Variants in PVT1 observed in about 807,000 individuals in gnomAD.
The protein encoded by PVT1 is Pvt1 oncogene.
intron 3 of PVT1, among the ~76,000 whole-genome samples, chr8:127,977,232 T>C (rs1330447919): frequency 3.3e-5 from 5 of 152,078 alleles, no homozygotes; most frequent in Admixed American, 3.3e-4. Flanking sequence ...GGATGTGCAG[T>C]AGGTCTGGTG....
intron 3 of PVT1, among the ~76,000 whole-genome samples, chr8:127,894,043 C>A (rs1216012201): frequency 6.6e-6 from 1 of 152,212 alleles, no homozygotes; most frequent in Non-Finnish European, 1.5e-5. Context: ...CTGCTTTCAG[C>A]CACTTAGAAG....
intron 3 of PVT1, among the ~76,000 whole-genome samples, chr8:127,952,804 G>A (rs577281746): frequency 1.3e-5 from 2 of 151,302 alleles, no homozygotes; most frequent in East Asian, 3.9e-4. Flanking sequence ...TCGCTCTGTG[G>A]CCCAGGCTGG....
Position 127,998,535 on chromosome 8 carries a change from TTCTC to T in PVT1, n.912+9264_912+9267del, listed in dbSNP as rs34462486. On this transcript the variant is annotated intron_variant and non_coding_transcript_variant, in intron 4 of 10. Transcript: ENST00000651587. ...TTCTTCCTTTTCTTTCCTTCTTTCT[TTCTC>T]TCTCTCTCTCTCTCTCTCTTCCTTC... 2.7e-3 allele frequency among the ~76,000 whole-genome samples: 381 copies of T among 142,760 alleles called. 1 individual carries two copies. The highest frequency in any genetic ancestry group is 0.01 in the Middle Eastern group (3 of 286). 93.7% of individuals were successfully genotyped at this position (142,760 alleles called of 152,430 possible).
chr8:127,895,082 T>G (rs1303649185), intron 3 of PVT1, among the ~76,000 whole-genome samples: 14 of 152,246 alleles, frequency 9.2e-5, no homozygotes, highest in Admixed American at 7.9e-4. Flanking sequence ...AGTTAATTAT[T>G]CTCTGGGATT....
chr8:128,008,803 T>G (rs938776949), intron 4 of PVT1: 5 of 426,326 alleles, frequency 1.2e-5, no homozygotes, highest in Non-Finnish European at 2.1e-5. Context: ...GCTGATGAGA[T>G]TGAAGGGGCT....
At chr8:128,073,371 C>T (rs1405819549) in intron 5 of PVT1, among the ~76,000 whole-genome samples, 2 of 152,108 alleles carry the variant, frequency 1.3e-5, no homozygotes, top group Non-Finnish European at 2.9e-5. Flanking sequence ...CCCTCCATCC[C>T]TTCATTCCTC....
At chr8:128,088,853 A>G (rs1018180327) in intron 5 of PVT1, among the ~76,000 whole-genome samples, 3 of 152,150 alleles carry the variant, frequency 2.0e-5, no homozygotes, top group African/African-American at 7.2e-5. Context: ...TGTGTAGACC[A>G]GCGGTTTCGG....
intron 4 of PVT1, among the ~76,000 whole-genome samples, chr8:128,067,211 C>T (rs951124724): frequency 2.6e-5 from 4 of 152,214 alleles, no homozygotes; most frequent in African/African-American, 9.7e-5. Flanking sequence ...CGGTTATACA[C>T]TCAAGGAATG....
At chr8:127,833,692 G>A (rs1366699103) in intron 2 of PVT1, among the ~76,000 whole-genome samples, 6 of 152,084 alleles carry the variant, frequency 3.9e-5, no homozygotes, top group Non-Finnish European at 5.9e-5. Context: ...GGACTCAAGC[G>A]ATCTACCTGC....
intron 4 of PVT1, among the ~76,000 whole-genome samples, chr8:127,991,236 G>A (rs191344008): frequency 5.7e-4 from 85 of 148,860 alleles, no homozygotes; most frequent in African/African-American, 1.9e-3. Context: ...TCCACCTCCC[G>A]GGTTCACGCC....
intron 3 of PVT1, among the ~76,000 whole-genome samples, chr8:127,904,923 A>G (rs1293248096): frequency 6.6e-6 from 1 of 152,222 alleles, no homozygotes; most frequent in Non-Finnish European, 1.5e-5. Context: ...GTGCCTGCAC[A>G]GGCTGTATGT....
chr8:128,003,529 A>G (rs1817210685), intron 4 of PVT1, among the ~76,000 whole-genome samples: 1 of 152,004 alleles, frequency 6.6e-6, no homozygotes, highest in South Asian at 2.1e-4. Context: ...TATTTTTTGT[A>G]GAGACAGGAT....
At chr8:128,024,800 T>TG (rs1440110474) in intron 4 of PVT1, among the ~76,000 whole-genome samples, 3 of 152,222 alleles carry the variant, frequency 2.0e-5, no homozygotes, top group Non-Finnish European at 4.4e-5. Flanking sequence ...ATGAGGAGGA[T>TG]GCCTTTTGGG....
chr8:127,838,386 A>G (rs188700579), intron 2 of PVT1, among the ~76,000 whole-genome samples: 1 of 152,110 alleles, frequency 6.6e-6, no homozygotes, highest in Non-Finnish European at 1.5e-5. Flanking sequence ...ATTTGGAGGA[A>G]TATCAAGTAA....
At chr8:127,931,248 A>T (rs1186057135) in intron 3 of PVT1, among the ~76,000 whole-genome samples, 1 of 151,912 alleles carries the variant, frequency 6.6e-6, no homozygotes, top group Admixed American at 6.5e-5. Flanking sequence ...CTCCTCTGTT[A>T]TTTGCTCCCA....
intron 4 of PVT1, among the ~76,000 whole-genome samples, chr8:128,022,700 CTTTACGTAAGTAGCATAA>C (rs1817452419): frequency 1.3e-5 from 2 of 152,262 alleles, no homozygotes; most frequent in South Asian, 2.1e-4. Flanking sequence ...AGCTCAGTAA[CTTTACGTAAGTAGCATAA>C]TTATATGGAT....
chr8:128,034,730 C>A (rs1034763446), intron 4 of PVT1, among the ~76,000 whole-genome samples: 14 of 152,228 alleles, frequency 9.2e-5, no homozygotes, highest in Non-Finnish European at 1.5e-4. Flanking sequence ...ACAGACAAGA[C>A]CTGTGTCTCC....
In PVT1 at chr8:128,078,983, T is replaced by G. The variant is rs375976097; in HGVS notation, n.1114+8622T>G. Among the ~76,000 whole-genome samples the G allele has an allele frequency of 1.1e-3, 164 of 150,418 alleles. 2 individuals carry two copies. In the East Asian group the frequency reaches 0.024, roughly 22 times the overall value. Reference sequence around the variant, plus strand: ...GGGTTTTTTTGTTTTGTTTTGTTTTTGGGTTTTTTCCTTTTCTTTTCTTTT... The same window carrying G: ...GGGTTTTTTTGTTTTGTTTTGTTTTGGGGTTTTTTCCTTTTCTTTTCTTTT... On this transcript the variant is annotated intron_variant and non_coding_transcript_variant, in intron 5 of 10. Coordinates refer to ENST00000651587, the Ensembl canonical transcript of PVT1.
At chr8:128,011,984 G>A (rs757131270) in intron 4 of PVT1, among the ~76,000 whole-genome samples, 5 of 152,156 alleles carry the variant, frequency 3.3e-5, no homozygotes, top group Admixed American at 2.0e-4. Flanking sequence ...ACTGTGATGC[G>A]ACCCCATAAG....
Sources: gnomAD v4.1 joint callset for allele counts (sites outside exome capture counted in the v4.1 genomes callset) on GRCh38, gnomAD v4.1.1 for gene constraint, MANE v1.5 for transcripts, NCBI Gene and HGNC (gene_info 2026-07-23, HGNC 2026-07-21) for gene names.